Variants in SLC45A4 observed in about 807,000 individuals in gnomAD.
SLC45A4 encodes the protein solute carrier family 45 member 4.
A neutral mutation model predicts 63.7 loss-of-function variants in SLC45A4; 32 were observed. The observed-to-expected ratio is 0.50, with a 90% CI of 0.38 to 0.67. The LOEUF (loss-of-function observed/expected upper bound fraction) is 0.67, where lower values mean the gene tolerates loss of function less well. Among genes scored for constraint, SLC45A4 ranks in the 30% least tolerant of loss-of-function variants. The pLI is 0.00. For missense variants in SLC45A4, 1,027 were observed against 1,157.7 expected (o/e 0.89, Z 1.64); for synonymous variants, 535 against 510.0 (o/e 1.05, Z -0.66).
intron 2 of SLC45A4, among the ~76,000 whole-genome samples, chr8:141,248,443 C>A (rs1828316939): frequency 6.6e-6 from 1 of 152,036 alleles, no homozygotes; most frequent in Admixed American, 6.6e-5. Flanking sequence ...GTGGTGCGTA[C>A]CTACAGTCCA....
intron 2 of SLC45A4, among the ~76,000 whole-genome samples, chr8:141,243,076 G>T (rs376249300): frequency 6.6e-6 from 1 of 152,174 alleles, no homozygotes; most frequent in East Asian, 1.9e-4. Flanking sequence ...CCTGCTCCGG[G>T]GTCCCTCCAC....
intron 3 of SLC45A4, among the ~76,000 whole-genome samples, chr8:141,220,614 G>A (rs368212472): frequency 6.9e-4 from 105 of 152,352 alleles, no homozygotes; most frequent in African/African-American, 1.9e-3. Context: ...GCCAGAGCCC[G>A]GGACCCAGGC....
intron 2 of SLC45A4, among the ~76,000 whole-genome samples, chr8:141,233,393 A>T (rs534606677): frequency 1.3e-5 from 2 of 151,938 alleles, no homozygotes; most frequent in African/African-American, 2.4e-5. Flanking sequence ...TTTAAAAATT[A>T]AAAAAAACAC....
At position 141,211,916 on chromosome 8, in the gene SLC45A4, G is replaced by A. The variant is rs1825843138; in HGVS notation, c.2302-219C>T. 3 of 1,245,172 alleles carry A rather than the reference G, an allele frequency of 2.4e-6. No individual in the cohort carries two copies. In the East Asian group the frequency reaches 9.3e-5, roughly 38 times the overall value. The allele number at this position is 1,245,172 out of a possible 1,614,324, so 77.1% of individuals were successfully genotyped here. ...AATACACCTGCAGAATAAAAGAGCT[G>A]AAATTAAAATATCTTTTTCAATTAA... On this transcript the variant is annotated intron_variant, in intron 8 of 8. Coordinates refer to ENST00000517878, the MANE Select transcript of SLC45A4 (RefSeq NM_001286646.2).
At chr8:141,268,500 C>T (rs906914687) in intron 1 of SLC45A4, among the ~76,000 whole-genome samples, 3 of 152,154 alleles carry the variant, frequency 2.0e-5, no homozygotes, top group African/African-American at 7.2e-5. Flanking sequence ...ATCAATGTCC[C>T]ACTCTGGCCG....
intron 3 of SLC45A4, among the ~76,000 whole-genome samples, chr8:141,220,866 G>A (rs1826576883): frequency 6.6e-6 from 1 of 152,362 alleles, no homozygotes; most frequent in East Asian, 1.9e-4. Flanking sequence ...GGACAGGCAG[G>A]GGGCCGGCAG....
intron 7 of SLC45A4, among the ~76,000 whole-genome samples, chr8:141,213,072 T>C (rs1569557846): frequency 1.3e-5 from 2 of 151,658 alleles, no homozygotes; most frequent in African/African-American, 4.9e-5. Context: ...TTACTACCAT[T>C]AGCATCTCTG....
At chr8:141,217,810 C>T (rs911385486) in intron 5 of SLC45A4, among the ~76,000 whole-genome samples, 1 of 152,220 alleles carries the variant, frequency 6.6e-6, no homozygotes, top group African/African-American at 2.4e-5. Flanking sequence ...CCCATGACCC[C>T]AGGACGGCCC....
intron 2 of SLC45A4, among the ~76,000 whole-genome samples, chr8:141,243,846 C>T (rs930653195): frequency 6.6e-6 from 1 of 152,100 alleles, no homozygotes. Flanking sequence ...CATTTCTCTT[C>T]TTAATAATTT....
chr8:141,217,111 C>A lies in SLC45A4; in HGVS notation c.1708G>T (p.Ala570Ser), dbSNP rs149834958. ...MGCWGLVIYA[A>S]TGAICSALLQ... ...TTACCTGAACAAATAGCACCAGTGG[C>A]GGCATAAATGACCAGGCCCCAGCAG... is the stretch of plus-strand genomic sequence containing the variant. Residue 570 changes from alanine (A) to serine (S), a missense_variant, in exon 6 of 9, where the codon GCC becomes TCC. Transcript: ENST00000517878. 15 of 1,613,816 alleles carry A rather than the reference C, an allele frequency of 9.3e-6. No individual in the cohort carries two copies. Among genetic ancestry groups the A allele is most frequent in the African/African-American group, 4.0e-5 (3 of 74,916 alleles).
rs991694966 is a variant in SLC45A4 at position 141,229,863 on chromosome 8, C to T, written c.242-8098G>A. 3.9e-5 allele frequency among the ~76,000 whole-genome samples: 6 copies of T among 152,170 alleles called. No individual in the cohort carries two copies. The highest frequency in any genetic ancestry group is 9.7e-5 in the African/African-American group (4 of 41,446). On this transcript the variant is annotated intron_variant, in intron 2 of 8. Transcript: ENST00000517878. This position sits in a 1 kb window ranked among gnomAD's most constrained non-coding sequence, Gnocchi z 5.0. ...CAGCTTGGGCTTTGAACGTGCTGCC[C>T]TGCATGTAAAGGGGCACGCTGGGAA...
chr8:141,244,953 T>TGG (rs1332452740), intron 2 of SLC45A4, among the ~76,000 whole-genome samples: 2 of 27,754 alleles, frequency 7.2e-5, no homozygotes, highest in East Asian at 4.5e-4. Flanking sequence ...CAAGAAGACG[T>TGG]GGGTGGGGGG....
At position 141,242,756 on chromosome 8, in the gene SLC45A4, G is replaced by A. The variant is rs142763149; in HGVS notation, c.241+11233C>T. ...AGAGCCGGCAGATACTGTCTTCCACGAGCACCTCAATGCACAGGCCCGAGA... is the reference window on the plus strand; with the variant it reads ...AGAGCCGGCAGATACTGTCTTCCACAAGCACCTCAATGCACAGGCCCGAGA... On this transcript the variant is annotated intron_variant, in intron 2 of 8. Transcript: ENST00000517878. 1.2e-4 allele frequency among the ~76,000 whole-genome samples: 18 copies of A among 152,210 alleles called. No individual in the cohort carries two copies. The East Asian group carries it at 3.1e-3, about 26-fold the overall frequency.
At position 141,221,849 on chromosome 8, in the gene SLC45A4, G is replaced by A. The variant is rs1446435493; in HGVS notation, c.242-84C>T. The A allele has an allele frequency of 8.4e-6, 12 of 1,428,710 alleles. No homozygotes were observed. The East Asian group carries it at 2.5e-4, about 30-fold the overall frequency. The allele number at this position is 1,428,710 out of a possible 1,614,324, so 88.5% of individuals were successfully genotyped here. On this transcript the variant is annotated intron_variant, in intron 2 of 8. Transcript: ENST00000517878. ...TTCCTGGGAGCCCCGCGACAGGCAG[G>A]TGCCTCTGTGTACACGCACGCATGC... is the stretch of plus-strand genomic sequence containing the variant.
At chr8:141,283,460 G>A (rs1319746239) in intron 1 of SLC45A4, among the ~76,000 whole-genome samples, 4 of 152,328 alleles carry the variant, frequency 2.6e-5, no homozygotes, top group African/African-American at 7.2e-5. Context: ...AGGCAGCAGA[G>A]AGGAGAACCA....
Position 141,219,794 on chromosome 8 carries a change from T to C in SLC45A4, c.466A>G (p.Ile156Val), listed in dbSNP as rs753261584. 1.3e-5 allele frequency: 21 copies of C among 1,592,030 alleles called. No individual in the cohort carries two copies. Among genetic ancestry groups the C allele is most frequent in the Non-Finnish European group, 1.7e-5 (20 of 1,170,246 alleles). Reference sequence around the variant, plus strand: ...CCCAGCACCGTGAGCACGATGCCAATGGGCTGCCGGTTGGGGACATCGCCG... The same window carrying C: ...CCCAGCACCGTGAGCACGATGCCAACGGGCTGCCGGTTGGGGACATCGCCG... Reference protein sequence around the residue: ...ALGDVPNRQPIGIVLTVLGVV... With the variant: ...ALGDVPNRQPVGIVLTVLGVV... Residue 156 changes from isoleucine (I) to valine (V), a missense_variant, in exon 4 of 9, where the codon ATT becomes GTT. Physicochemically the swap from Ile to Val is conservative, Grantham distance 29 (BLOSUM62 3). Coordinates refer to ENST00000517878, the MANE Select transcript of SLC45A4 (RefSeq NM_001286646.2).
At chr8:141,274,992 C>A (rs768123911) in intron 1 of SLC45A4, among the ~76,000 whole-genome samples, 1 of 152,234 alleles carries the variant, frequency 6.6e-6, no homozygotes, top group Non-Finnish European at 1.5e-5. Flanking sequence ...ACTTTCTCTT[C>A]GTGCTCTCCT....
At chr8:141,247,327 A>G (rs983165546) in intron 2 of SLC45A4, among the ~76,000 whole-genome samples, 3 of 152,260 alleles carry the variant, frequency 2.0e-5, no homozygotes, top group Admixed American at 2.0e-4. Context: ...CAATAACATG[A>G]TAACAATGAA....
chr8:141,269,526 G>T (rs543077892), intron 1 of SLC45A4, among the ~76,000 whole-genome samples: 1 of 151,326 alleles, frequency 6.6e-6, no homozygotes, highest in East Asian at 2.0e-4. Flanking sequence ...ATCGATGTCT[G>T]CCTATGTGGG....
Sources: allele counts gnomAD v4.1 joint callset (sites outside exome capture counted in the v4.1 genomes callset), GRCh38; gene constraint gnomAD v4.1.1; non-coding constraint Gnocchi (gnomAD v3.1); transcripts MANE v1.5; gene names NCBI Gene and HGNC (gene_info 2026-07-23, HGNC 2026-07-21).